LAMA3: variants seen among roughly 807,000 people sequenced by gnomAD.
LAMA3 encodes the protein laminin subunit alpha 3.
Under a neutral mutation model 402.0 loss-of-function variants are expected in LAMA3, and 281 were observed. The observed-to-expected ratio is 0.70, with a 90% confidence interval of 0.63 to 0.77. The LOEUF (loss-of-function observed/expected upper bound fraction) is 0.77, where lower values mean the gene tolerates loss of function less well. Ranked by LOEUF, LAMA3 falls within the 30% of genes least tolerant of loss-of-function variation. LAMA3 has a pLI of 0.00. For synonymous variants in LAMA3, 1,431 were observed against 1,558.4 expected (o/e 0.92, Z 1.93); for missense variants, 3,840 against 4,215.5 (o/e 0.91, Z 2.47).
chr18:23,791,911 C>T (rs982905477), intron 12 of LAMA3, among the ~76,000 whole-genome samples: 1 of 152,086 alleles, frequency 6.6e-6, no homozygotes, highest in Non-Finnish European at 1.5e-5. Context: ...TATTTAAAAA[C>T]CACCCATATC....
chr18:23,940,152 AGAAGGGG>A (rs2082446870), intron 68 of LAMA3, among the ~76,000 whole-genome samples: 1 of 152,220 alleles, frequency 6.6e-6, no homozygotes, highest in African/African-American at 2.4e-5. Context: ...AGAGATGACC[AGAAGGGG>A]ACAGAGATGG....
intron 41 of LAMA3, among the ~76,000 whole-genome samples, chr18:23,887,481 ACTT>A (rs1169051625): frequency 1.3e-5 from 2 of 152,154 alleles, no homozygotes; most frequent in African/African-American, 4.8e-5. Flanking sequence ...AATTAACAGT[ACTT>A]CTCTCAGCTG....
intron 38 of LAMA3, chr18:23,873,193 A>T (rs2064588574): frequency 6.2e-7 from 1 of 1,614,216 alleles, no homozygotes; most frequent in Non-Finnish European, 8.5e-7. Context: ...CAAGCGAGTT[A>T]TGTGGAGTTT....
intron 73 of LAMA3, 44 bp downstream of exon 73, chr18:23,951,821 C>A: frequency 6.9e-7 from 1 of 1,452,902 alleles, no homozygotes; most frequent in Non-Finnish European, 9.6e-7. Flanking sequence ...AAAACAGGCC[C>A]CCTTTCCATT....
chr18:23,933,936 G>A lies in LAMA3; in HGVS notation c.8862+1G>A. The A allele has an allele frequency of 6.2e-7, 1 of 1,613,958 alleles. No individual in the cohort carries two copies. The highest frequency in any genetic ancestry group is 1.1e-5 in the South Asian group (1 of 91,078). ...GACCAAGACTTTTCGTATCAACCAG[G>A]TAAGTGTCCAAACCTAACCCTGGGT... On this transcript the variant is annotated splice_donor_variant, in intron 67 of 74. Coordinates refer to ENST00000313654, the MANE Select transcript of LAMA3 (RefSeq NM_198129.4). LOFTEE classifies it high-confidence loss of function.
chr18:23,896,985 A>G (rs980044604), intron 44 of LAMA3, among the ~76,000 whole-genome samples: 4 of 152,304 alleles, frequency 2.6e-5, no homozygotes, highest in African/African-American at 9.6e-5. Context: ...GCAACAGTCA[A>G]GAGATGAGTT....
chr18:23,828,036 T>A (rs2063419412), intron 23 of LAMA3, among the ~76,000 whole-genome samples: 1 of 152,222 alleles, frequency 6.6e-6, no homozygotes, highest in African/African-American at 2.4e-5. Flanking sequence ...TTTAAGATCA[T>A]ACTGATTTCA....
chr18:23,840,607 G>A (rs563808579), intron 27 of LAMA3, among the ~76,000 whole-genome samples: 15 of 151,720 alleles, frequency 9.9e-5, no homozygotes, highest in African/African-American at 2.7e-4. Flanking sequence ...GGTTGGTCTC[G>A]AACCAGTAAA....
chr18:23,740,752 C>A (rs1243496089), intron 2 of LAMA3, among the ~76,000 whole-genome samples: 4 of 152,122 alleles, frequency 2.6e-5, no homozygotes, highest in East Asian at 1.9e-4. Context: ...ATGGAGGAAA[C>A]CTGTAATGGC....
intron 2 of LAMA3, among the ~76,000 whole-genome samples, chr18:23,745,736 G>A (rs910573969): frequency 6.6e-6 from 1 of 152,172 alleles, no homozygotes; most frequent in African/African-American, 2.4e-5. Flanking sequence ...CATGGTATGT[G>A]GAAAGACAGT....
At chr18:23,777,224 A>G (rs2062340842) in intron 10 of LAMA3, among the ~76,000 whole-genome samples, 1 of 150,946 alleles carries the variant, frequency 6.6e-6, no homozygotes, top group African/African-American at 2.4e-5. Flanking sequence ...ATGAAAGAAA[A>G]TATTTCTTTA....
intron 42 of LAMA3, among the ~76,000 whole-genome samples, chr18:23,891,472 G>C (rs1386913626): frequency 6.6e-6 from 1 of 152,160 alleles, no homozygotes; most frequent in African/African-American, 2.4e-5. Flanking sequence ...TGGTCTCCAA[G>C]GGCCTTCAAT....
At chr18:23,859,140 G>C (rs754350397) in intron 34 of LAMA3, among the ~76,000 whole-genome samples, 12 of 152,134 alleles carry the variant, frequency 7.9e-5, no homozygotes, top group Non-Finnish European at 1.5e-4. Flanking sequence ...TGAGTTCGCT[G>C]ATACACCCCT....
At chr18:23,739,408 T>C (rs907080668) in intron 2 of LAMA3, among the ~76,000 whole-genome samples, 25 of 152,298 alleles carry the variant, frequency 1.6e-4, no homozygotes, top group Middle Eastern at 3.4e-3. Context: ...AAATTAAACA[T>C]ACTGAGCCAA....
intron 41 of LAMA3, among the ~76,000 whole-genome samples, chr18:23,887,245 G>T (rs970598737): frequency 6.6e-6 from 1 of 152,196 alleles, no homozygotes; most frequent in Non-Finnish European, 1.5e-5. Context: ...CGAGAGATGG[G>T]AGAACTGGGC....
chr18:23,816,467 C>A lies in LAMA3; in HGVS notation c.2127C>A (p.Val709=), dbSNP rs763731319. 6.2e-7 allele frequency: 1 copy of A among 1,613,900 alleles called. No homozygotes were observed. Residue 709 remains valine (V), a synonymous_variant, in exon 18 of 75, where the codon GTC becomes GTA. Coordinates refer to ENST00000313654, the MANE Select transcript of LAMA3 (RefSeq NM_198129.4). ...PSGVCQCREH[V]VGKVCQRPEN... ...GAGTGTGCCAGTGCCGAGAGCATGT[C>A]GTGGGAAAGGTGTGCCAGCGGTGAG... is the stretch of plus-strand genomic sequence containing the variant.
In LAMA3 at chr18:23,933,820, A is replaced by T. The variant is rs147250269; in HGVS notation, c.8747A>T (p.Asn2916Ile). The T allele has an allele frequency of 9.9e-5, 159 of 1,613,876 alleles. No homozygotes were observed. Among genetic ancestry groups the T allele is most frequent in the Middle Eastern group, 1.6e-4 (1 of 6,070 alleles). The part of the protein sequence containing the change: ...LSPEVLDLTS[N>I]SLKRDVSLGG... ...CCTGAAGTCCTAGATTTGACCAGTA[A>T]CTCTCTCAAGAGAGATGTGTCCCTG... Residue 2916 changes from asparagine to isoleucine, a missense_variant, in exon 67 of 75, where the codon AAC (asparagine) becomes ATC (isoleucine). Asn to Ile is a moderately radical substitution (Grantham distance 149). This residue lies in a region of LAMA3 where 840 missense variants were observed against 981.9 expected (regional missense o/e 0.86). Transcript: ENST00000313654.
chr18:23,714,864 A>G (rs559208965), intron 2 of LAMA3, among the ~76,000 whole-genome samples: 1 of 152,028 alleles, frequency 6.6e-6, no homozygotes, highest in Non-Finnish European at 1.5e-5. Flanking sequence ...CCAACATTCT[A>G]CTTCTCTTAC....
chr18:23,747,904 G>A, intron 2 of LAMA3, 39 bp from the exon 3 acceptor site: 1 of 1,132,932 alleles, frequency 8.8e-7, no homozygotes, highest in Non-Finnish European at 1.3e-6. Context: ...GTGAATCGAT[G>A]AGATGACATT....
Sources: allele counts gnomAD v4.1 joint callset (sites outside exome capture counted in the v4.1 genomes callset), GRCh38; gene constraint gnomAD v4.1.1; regional missense constraint gnomAD v4.1.1; transcripts MANE v1.5; gene names NCBI Gene and HGNC (gene_info 2026-07-23, HGNC 2026-07-21).